ADK: variants seen among roughly 807,000 people sequenced by gnomAD.
ADK encodes N6,N6-dimethyladenosine kinase.
ADK carries 24 observed loss-of-function variants against 44.7 expected under a neutral mutation model. The ratio of observed to expected loss-of-function variants is 0.54; its 90% CI spans 0.39 to 0.76. The LOEUF (loss-of-function observed/expected upper bound fraction) is 0.76. ADK is among the 30% of genes least tolerant of loss of function. The pLI, the probability that ADK is intolerant of heterozygous loss-of-function variation, is 0.00. For missense variants in ADK, 321 were observed against 425.1 expected, an observed-to-expected ratio of 0.76 and a Z score of 2.15; for synonymous variants, 128 against 142.6, an observed-to-expected ratio of 0.90 and a Z score of 0.73.
intron 1 of ADK, among the ~76,000 whole-genome samples, chr10:74,185,450 G>A (rs1236850949): frequency 6.6e-6 from 1 of 151,736 alleles, no homozygotes; most frequent in Non-Finnish European, 1.5e-5. Flanking sequence ...CATATGGAAG[G>A]ATTGGCTTTA....
At chr10:74,254,610 A>T (rs2132348027) in intron 3 of ADK, among the ~76,000 whole-genome samples, 1 of 150,620 alleles carries the variant, frequency 6.6e-6, no homozygotes, top group East Asian at 1.9e-4. Flanking sequence ...TTGACAGTTA[A>T]AAAAAAAAGA....
Position 74,661,250 on chromosome 10 carries a change from A to G in ADK, c.878-8933A>G, listed in dbSNP as rs1397359832. ...TCAGTTAACTGCTGTGTAACAATGA[A>G]TCAAAATCTATTTATTCCATCATCA... On this transcript the variant is annotated intron_variant, in intron 9 of 10. Coordinates refer to ENST00000539909, the MANE Select transcript of ADK (RefSeq NM_006721.4). The G allele has an allele frequency of 5.5e-6, 5 of 909,264 alleles. No homozygotes were observed. In the East Asian group the frequency reaches 4.7e-4, roughly 86 times the overall value. 56.3% of individuals were successfully genotyped at this position (909,264 alleles called of 1,614,324 possible).
At chr10:74,203,151 T>C (rs893270514) in intron 2 of ADK, among the ~76,000 whole-genome samples, 1 of 152,220 alleles carries the variant, frequency 6.6e-6, no homozygotes, top group African/African-American at 2.4e-5. Context: ...GGGTTCAACT[T>C]TATTCTTTTG....
At chr10:74,310,847 T>G (rs1390081409) in intron 3 of ADK, among the ~76,000 whole-genome samples, 1 of 152,166 alleles carries the variant, frequency 6.6e-6, no homozygotes, top group Non-Finnish European at 1.5e-5. Flanking sequence ...CTGAATTTTT[T>G]TTTTCTCCCT....
intron 8 of ADK, among the ~76,000 whole-genome samples, chr10:74,590,217 T>C (rs955627100): frequency 6.6e-6 from 1 of 152,164 alleles, no homozygotes; most frequent in South Asian, 2.1e-4. Flanking sequence ...TGTTACAGGG[T>C]AGTAATTTTT....
intron 4 of ADK, among the ~76,000 whole-genome samples, chr10:74,351,583 G>T (rs551450991): frequency 6.6e-6 from 1 of 152,234 alleles, no homozygotes; most frequent in South Asian, 2.1e-4. Flanking sequence ...TCTGGCAAGA[G>T]AAAGAAATAA....
intron 3 of ADK, among the ~76,000 whole-genome samples, chr10:74,238,367 A>G (rs1166634306): frequency 6.6e-6 from 1 of 152,188 alleles, no homozygotes; most frequent in Non-Finnish European, 1.5e-5. Flanking sequence ...TGACTTGGCA[A>G]CTAATAGTGA....
intron 5 of ADK, among the ~76,000 whole-genome samples, chr10:74,394,714 A>AGTGT (rs1231096608): frequency 2.6e-5 from 4 of 152,046 alleles, no homozygotes; most frequent in Admixed American, 6.6e-5. Flanking sequence ...ACAGAGAGAG[A>AGTGT]GTGTGTGTGT....
chr10:74,661,036 A>G (rs1216922321), intron 9 of ADK, among the ~76,000 whole-genome samples: 1 of 148,242 alleles, frequency 6.7e-6, no homozygotes, highest in Non-Finnish European at 1.5e-5. Context: ...TGTCTCAAAG[A>G]AAAAAAAAAG....
At chr10:74,556,048 G>A (rs1411239923) in intron 7 of ADK, among the ~76,000 whole-genome samples, 1 of 152,160 alleles carries the variant, frequency 6.6e-6, no homozygotes, top group Non-Finnish European at 1.5e-5. Flanking sequence ...AATGGGGAAG[G>A]CATTAAAAGG....
intron 6 of ADK, among the ~76,000 whole-genome samples, chr10:74,501,334 C>A (rs1243324182): frequency 6.6e-6 from 1 of 152,094 alleles, no homozygotes; most frequent in Non-Finnish European, 1.5e-5. Context: ...TCTTTCAGAG[C>A]CTGATCCATG....
chr10:74,199,158 G>T (rs1469090780), intron 1 of ADK, among the ~76,000 whole-genome samples: 1 of 152,126 alleles, frequency 6.6e-6, no homozygotes, highest in African/African-American at 2.4e-5. Context: ...GGTAGATAGG[G>T]CTCTTGCTTG....
At chr10:74,175,995 T>G (rs1842324365) in intron 1 of ADK, among the ~76,000 whole-genome samples, 1 of 151,598 alleles carries the variant, frequency 6.6e-6, no homozygotes, top group Non-Finnish European at 1.5e-5. Flanking sequence ...TTTTTTTTTA[T>G]AGCCCGCATG....
At chr10:74,409,051 G>A (rs935236512) in intron 6 of ADK, among the ~76,000 whole-genome samples, 23 of 151,968 alleles carry the variant, frequency 1.5e-4, no homozygotes, top group Non-Finnish European at 2.1e-4. Flanking sequence ...CCATTTTATC[G>A]CTTAAAAATA....
At chr10:74,361,318 T>G (rs1842329866) in intron 4 of ADK, among the ~76,000 whole-genome samples, 1 of 152,236 alleles carries the variant, frequency 6.6e-6, no homozygotes, top group African/African-American at 2.4e-5. Flanking sequence ...ACTTTTCTTC[T>G]GCTTCTTTTC....
At chr10:74,288,425 G>A (rs979322721) in intron 3 of ADK, among the ~76,000 whole-genome samples, 11 of 152,128 alleles carry the variant, frequency 7.2e-5, no homozygotes, top group Non-Finnish European at 1.0e-4. Flanking sequence ...TGAGGCAGGC[G>A]GATCAGCTGA....
chr10:74,503,554 A>C (rs1379110795), intron 6 of ADK, among the ~76,000 whole-genome samples: 1 of 152,216 alleles, frequency 6.6e-6, no homozygotes, highest in Non-Finnish European at 1.5e-5. Context: ...TATCAACTAA[A>C]GTTATATTAA....
chr10:74,407,600 T>A (rs945763548), intron 6 of ADK, among the ~76,000 whole-genome samples: 1 of 152,172 alleles, frequency 6.6e-6, no homozygotes, highest in African/African-American at 2.4e-5. Context: ...CTTGCATATC[T>A]CGAGTTCTCA....
At position 74,628,519 on chromosome 10, in the gene ADK, C is replaced by T. The variant is rs115121820; in HGVS notation, c.877+28026C>T. 5.3e-3 allele frequency among the ~76,000 whole-genome samples: 811 copies of T among 151,596 alleles called. 5 individuals are homozygous for T. Among genetic ancestry groups the T allele is most frequent in the African/African-American group, 0.018 (764 of 41,450 alleles). ...GGCAGATGTTCTGAAGAATCTCACTCGTCTCACCTGGATTAAGTTTTTTTC... is the reference window on the plus strand; with the variant it reads ...GGCAGATGTTCTGAAGAATCTCACTTGTCTCACCTGGATTAAGTTTTTTTC... On this transcript the variant is annotated intron_variant, in intron 9 of 10. Transcript: ENST00000539909.
Sources: gnomAD v4.1 joint callset for allele counts (sites outside exome capture counted in the v4.1 genomes callset) on GRCh38, gnomAD v4.1.1 for gene constraint, MANE v1.5 for transcripts, NCBI Gene and HGNC (gene_info 2026-07-23, HGNC 2026-07-21) for gene names.